Variants in CLUAP1 observed in about 807,000 individuals in gnomAD.
The protein encoded by CLUAP1 is clusterin-associated protein 1.
CLUAP1 carries 50 observed loss-of-function variants against 55.0 expected under a neutral mutation model. That is an observed-to-expected ratio of 0.91 (90% CI 0.72 to 1.15). The LOEUF (loss-of-function observed/expected upper bound fraction) is 1.15, where lower values mean the gene tolerates loss of function less well. Among genes scored for constraint, CLUAP1 ranks in the 50% most tolerant of loss-of-function variants. CLUAP1 has a pLI of 0.00. For synonymous variants in CLUAP1, 195 were observed against 175.4 expected (o/e 1.11, Z -0.88); for missense variants, 530 against 507.6 (o/e 1.04, Z -0.42).
At chr16:3,514,016 G>A (rs1261060609) in intron 5 of CLUAP1, among the ~76,000 whole-genome samples, 1 of 152,192 alleles carries the variant, frequency 6.6e-6, no homozygotes, top group African/African-American at 2.4e-5. Context: ...GCCACCTGAT[G>A]AAGTGTGGTT....
chr16:3,521,698 G>T (rs1242323825), intron 7 of CLUAP1, among the ~76,000 whole-genome samples: 1 of 151,886 alleles, frequency 6.6e-6, no homozygotes, highest in Non-Finnish European at 1.5e-5. Context: ...CTCCCAAAGT[G>T]CTGGGATTAC....
At position 3,526,567 on chromosome 16, in the gene CLUAP1, A is replaced by T. The variant is rs58645036; in HGVS notation, c.928+83A>T. 5.5e-3 allele frequency: 3,883 copies of T among 708,618 alleles called. 43 individuals are homozygous for T. The highest frequency in any genetic ancestry group is 0.033 in the African/African-American group (1,732 of 53,034). The allele number at this position is 708,618 out of a possible 1,614,324, so 43.9% of individuals were successfully genotyped here. A position where few individuals can be genotyped will look rare whatever the true frequency, so the allele number is the denominator to read the frequency against. On this transcript the variant is annotated intron_variant, in intron 9 of 11. Coordinates refer to ENST00000576634, the MANE Select transcript of CLUAP1 (RefSeq NM_015041.3). ...AATATATATAGAGAGATATATATAT[A>T]TTTTTTAATATGTATTTTCTTCTTT...
At chr16:3,535,193 G>A (rs560713016) in intron 11 of CLUAP1, 1 of 152,948 alleles carries the variant, frequency 6.5e-6, no homozygotes, top group South Asian at 2.1e-4. Context: ...ATCGATCCCA[G>A]TCCGTTGAAT....
At chr16:3,503,326 C>G (rs1338142057) in intron 1 of CLUAP1, among the ~76,000 whole-genome samples, 1 of 152,136 alleles carries the variant, frequency 6.6e-6, no homozygotes, top group Non-Finnish European at 1.5e-5. Context: ...CCACACCTGG[C>G]TAATTTTTTT....
At chr16:3,496,390 C>A, upstream of CLUAP1, 1 of 1,103,446 alleles carries the variant, frequency 9.1e-7, no homozygotes, top group Non-Finnish European at 1.3e-6. Context: ...CACCTCTGTC[C>A]GTTTCCCGGA....
chr16:3,526,156 G>A (rs1288344241), intron 8 of CLUAP1, among the ~76,000 whole-genome samples: 3 of 152,190 alleles, frequency 2.0e-5, no homozygotes, highest in African/African-American at 7.2e-5. Flanking sequence ...TGCAATCGGA[G>A]AAGCATGGGG....
intron 11 of CLUAP1, chr16:3,533,331 A>G: frequency 1.7e-6 from 1 of 596,234 alleles, no homozygotes; most frequent in Non-Finnish European, 3.0e-6. Flanking sequence ...GTGGAGGCGC[A>G]GGCACGGAGC....
chr16:3,498,291 C>CT (rs61131744), upstream of CLUAP1, among the ~76,000 whole-genome samples: 7,287 of 151,232 alleles, frequency 0.048, 328 homozygotes, highest in African/African-American at 0.12. Flanking sequence ...GGGCAATCTT[C>CT]TTTTTTTTTA....
chr16:3,527,237 C>T (rs1389420904), intron 9 of CLUAP1, among the ~76,000 whole-genome samples: 1 of 152,014 alleles, frequency 6.6e-6, no homozygotes, highest in African/African-American at 2.4e-5. Context: ...ATATGAATAT[C>T]ATTAATCATT....
chr16:3,512,586 G>A, intron 5 of CLUAP1, 108 bp downstream of exon 5: 1 of 829,926 alleles, frequency 1.2e-6, no homozygotes, highest in Non-Finnish European at 2.0e-6. Context: ...ACACCTGGTT[G>A]AATGAGCTAA....
In CLUAP1 at chr16:3,530,632, G is replaced by A. The variant is rs766332902; in HGVS notation, c.993G>A (p.Arg331=). Residue 331 remains arginine (R), a synonymous_variant, in exon 10 of 12, where the codon AGG becomes AGA. Coordinates refer to ENST00000576634, the MANE Select transcript of CLUAP1 (RefSeq NM_015041.3). ...DDESDSELEE[R]RLPKPQTAME... is the part of the protein sequence containing the mutation. ...AATCCGACAGTGAGTTGGAAGAAAG[G>A]CGGCTGCCCAAGCCACAGACAGCCA... 1.2e-6 allele frequency: 2 copies of A among 1,613,900 alleles called. No individual in the cohort carries two copies. Among genetic ancestry groups the A allele is most frequent in the East Asian group, 4.5e-5 (2 of 44,870 alleles).
upstream of CLUAP1, chr16:3,500,841 C>T (rs2037379612): frequency 8.7e-6 from 5 of 576,412 alleles, no homozygotes; most frequent in Non-Finnish European, 1.5e-5. Context: ...CTCATAGACG[C>T]CGGTATCGCC....
chr16:3,521,746 AT>A (rs1258771075), intron 7 of CLUAP1, among the ~76,000 whole-genome samples: 1 of 150,586 alleles, frequency 6.6e-6, no homozygotes, highest in African/African-American at 2.4e-5. Flanking sequence ...TTTTTAAAAA[AT>A]TTTTTATCGT....
chr16:3,535,994 C>T, intron 11 of CLUAP1, 128 bp from the exon 12 acceptor site: 4 of 1,095,458 alleles, frequency 3.7e-6, no homozygotes, highest in Middle Eastern at 5.9e-4. Context: ...CCACAGCCTG[C>T]TTGCCACTCT....
At chr16:3,533,045 C>T in intron 11 of CLUAP1, 1 of 1,484,802 alleles carries the variant, frequency 6.7e-7, no homozygotes, top group Admixed American at 2.0e-5. Context: ...AGTGAATGTG[C>T]TTGCTCTGCT....
upstream of CLUAP1, among the ~76,000 whole-genome samples, chr16:3,498,577 G>A (rs1476015104): frequency 1.3e-5 from 2 of 152,182 alleles, no homozygotes; most frequent in African/African-American, 2.4e-5. Flanking sequence ...GGGACACTCA[G>A]GTGGTCAGAT....
At chr16:3,514,351 G>A (rs941554372) in intron 5 of CLUAP1, among the ~76,000 whole-genome samples, 7 of 152,312 alleles carry the variant, frequency 4.6e-5, no homozygotes, top group Middle Eastern at 3.4e-3. Flanking sequence ...GTCATGATCC[G>A]AGGAAGAGCG....
At chr16:3,507,977 G>GT (rs2037542465) in intron 3 of CLUAP1, among the ~76,000 whole-genome samples, 1 of 152,074 alleles carries the variant, frequency 6.6e-6, no homozygotes, top group Non-Finnish European at 1.5e-5. Context: ...GAACAGTGCT[G>GT]TAACAAATAA....
At chr16:3,503,395 C>T (rs1596381544) in intron 1 of CLUAP1, among the ~76,000 whole-genome samples, 1 of 152,156 alleles carries the variant, frequency 6.6e-6, no homozygotes, top group African/African-American at 2.4e-5. Context: ...AATCTCCTGA[C>T]CTTGTGATCC....
Sources: gnomAD v4.1 joint callset for allele counts (sites outside exome capture counted in the v4.1 genomes callset) on GRCh38, gnomAD v4.1.1 for gene constraint, MANE v1.5 for transcripts, NCBI Gene and HGNC (gene_info 2026-07-23, HGNC 2026-07-21) for gene names.